ARHGAP22: variants seen among roughly 807,000 people sequenced by gnomAD.
ARHGAP22 encodes the protein rho GTPase-activating protein 22.
ARHGAP22 carries 48 observed loss-of-function variants against 59.1 expected under a neutral mutation model. The ratio of observed to expected loss-of-function variants is 0.81; its 90% CI spans 0.64 to 1.03. The LOEUF (loss-of-function observed/expected upper bound fraction) is 1.03, where lower values mean the gene tolerates loss of function less well. Ranked by LOEUF, ARHGAP22 falls within the 50% of genes least tolerant of loss-of-function variation. ARHGAP22 has a pLI of 0.00. For synonymous variants in ARHGAP22, 445 were observed against 416.4 expected (o/e 1.07, Z -0.84); for missense variants, 1,015 against 958.7 (o/e 1.06, Z -0.78).
chr10:48,627,385 C>T (rs1015632485), intron 1 of ARHGAP22, among the ~76,000 whole-genome samples: 6 of 152,194 alleles, frequency 3.9e-5, no homozygotes, highest in Admixed American at 3.3e-4. Flanking sequence ...GTGGTCTGCA[C>T]TAGCTCTGGA....
intron 1 of ARHGAP22, among the ~76,000 whole-genome samples, chr10:48,648,207 G>C (rs1390956251): frequency 6.6e-6 from 1 of 152,168 alleles, no homozygotes; most frequent in African/African-American, 2.4e-5. Flanking sequence ...TATCAATAAG[G>C]CTGTTGAAAT....
At chr10:48,466,019 G>A (rs755806631) in intron 4 of ARHGAP22, among the ~76,000 whole-genome samples, 5 of 152,100 alleles carry the variant, frequency 3.3e-5, no homozygotes, top group Non-Finnish European at 5.9e-5. Flanking sequence ...CAGCCAGCCG[G>A]CACAGCTGAA....
In ARHGAP22 at chr10:48,514,048, A is replaced by G. The variant is rs573210466; in HGVS notation, c.323-34284T>C. Among the ~76,000 whole-genome samples, 12 of 152,196 alleles carry G rather than the reference A, an allele frequency of 7.9e-5. No individual in the cohort carries two copies. In the South Asian group the frequency reaches 2.5e-3, roughly 32 times the overall value. ...TATTTGGGCTCTAACAGCAGATTTG[A>G]GCTTATAGAAGAAAAAAAATCAGTA... On this transcript the variant is annotated intron_variant, in intron 3 of 9. Coordinates refer to ENST00000249601, the MANE Select transcript of ARHGAP22 (RefSeq NM_021226.4).
At chr10:48,554,537 C>A (rs60617338) in intron 3 of ARHGAP22, among the ~76,000 whole-genome samples, 17,902 of 152,218 alleles carry the variant, frequency 0.12, 1,769 homozygotes, top group African/African-American at 0.27. Flanking sequence ...CATCACGCTG[C>A]CAGTGGTCTC....
At chr10:48,523,654 C>T (rs1020035040) in intron 3 of ARHGAP22, among the ~76,000 whole-genome samples, 1 of 151,872 alleles carries the variant, frequency 6.6e-6, no homozygotes, top group Non-Finnish European at 1.5e-5. Flanking sequence ...GCGCGCCGGG[C>T]TCGCGGTGCA....
intron 3 of ARHGAP22, chr10:48,524,226 G>C (rs1222000506): frequency 1.9e-6 from 1 of 515,858 alleles, no homozygotes; most frequent in Non-Finnish European, 2.5e-6. Context: ...GCGCGGGACC[G>C]CCGGCCCGCG....
intron 1 of ARHGAP22, among the ~76,000 whole-genome samples, chr10:48,624,749 C>T (rs1007853042): frequency 1.2e-4 from 18 of 152,178 alleles, no homozygotes; most frequent in Admixed American, 5.2e-4. Flanking sequence ...TCTCATGCCA[C>T]GAGGAAAGCA....
the ARHGAP22 span, chr10:48,431,218 C>T: frequency 6.2e-7 from 1 of 1,611,336 alleles, no homozygotes; most frequent in Non-Finnish European, 8.5e-7. Flanking sequence ...AAGTTATGGA[C>T]TTGGAGGAGA....
chr10:48,535,588 G>A (rs112308509), intron 3 of ARHGAP22, among the ~76,000 whole-genome samples: 27 of 152,290 alleles, frequency 1.8e-4, no homozygotes, highest in African/African-American at 5.1e-4. Context: ...GATGGGAGGC[G>A]GAGTCAATCT....
chr10:48,507,046 T>A (rs1453990038), intron 3 of ARHGAP22, among the ~76,000 whole-genome samples: 1 of 152,178 alleles, frequency 6.6e-6, no homozygotes, highest in Non-Finnish European at 1.5e-5. Context: ...GGTTCAGCAC[T>A]AATTTTGGAA....
intron 1 of ARHGAP22, among the ~76,000 whole-genome samples, chr10:48,594,259 C>A (rs1309983813): frequency 6.6e-6 from 1 of 152,204 alleles, no homozygotes; most frequent in Non-Finnish European, 1.5e-5. Context: ...TGGACCAAGC[C>A]TATCTGTGGT....
At chr10:48,537,912 G>C (rs528442471) in intron 3 of ARHGAP22, among the ~76,000 whole-genome samples, 2 of 152,198 alleles carry the variant, frequency 1.3e-5, no homozygotes, top group African/African-American at 4.8e-5. Context: ...TTGGTCTTCC[G>C]GCCCCTGAGA....
chr10:48,442,971 G>A (rs141065891), downstream of ARHGAP22, among the ~76,000 whole-genome samples: 23 of 152,190 alleles, frequency 1.5e-4, no homozygotes, highest in Admixed American at 1.0e-3. Context: ...TGTCACATGC[G>A]GCAGGGGCAG....
chr10:48,591,639 A>C (rs1236300175), intron 1 of ARHGAP22, among the ~76,000 whole-genome samples: 1 of 152,024 alleles, frequency 6.6e-6, no homozygotes, highest in Admixed American at 6.6e-5. Context: ...TCACATATAG[A>C]GAGTAATTGG....
exon 1 of ARHGAP22, chr10:48,652,256 C>T (rs941565846): frequency 1.2e-5 from 19 of 1,535,646 alleles, no homozygotes; most frequent in Non-Finnish European, 1.7e-5. Context: ...CTGCAAACGT[C>T]CTCCTTTTGC....
At chr10:48,553,086 G>A (rs1217505496) in intron 3 of ARHGAP22, among the ~76,000 whole-genome samples, 1 of 152,244 alleles carries the variant, frequency 6.6e-6, no homozygotes, top group African/African-American at 2.4e-5. Flanking sequence ...AGGCTGATAG[G>A]AAGCATCCTA....
At chr10:48,466,209 G>A (rs2133887319) in intron 4 of ARHGAP22, among the ~76,000 whole-genome samples, 1 of 152,086 alleles carries the variant, frequency 6.6e-6, no homozygotes, top group Admixed American at 6.5e-5. Flanking sequence ...CCCGAGGCTC[G>A]GATCCCGCTG....
At chr10:48,583,841 A>C (rs2059264882) in intron 1 of ARHGAP22, among the ~76,000 whole-genome samples, 1 of 152,166 alleles carries the variant, frequency 6.6e-6, no homozygotes, top group African/African-American at 2.4e-5. Flanking sequence ...GCTTCCTGGC[A>C]GGGCAGAGGG....
At chr10:48,474,733 C>T (rs948850683) in intron 4 of ARHGAP22, among the ~76,000 whole-genome samples, 3 of 132,338 alleles carry the variant, frequency 2.3e-5, no homozygotes, top group African/African-American at 8.6e-5. Context: ...TGTTTTTGTC[C>T]TTTATTCTGT....
Sources: gnomAD v4.1 joint callset for allele counts (sites outside exome capture counted in the v4.1 genomes callset) on GRCh38, gnomAD v4.1.1 for gene constraint, MANE v1.5 for transcripts, NCBI Gene and HGNC (gene_info 2026-07-23, HGNC 2026-07-21) for gene names.